The following PDXDC1 variants were observed in gnomAD, a reference collection of about 807,000 sequenced individuals.
PDXDC1 encodes pyridoxal dependent decarboxylase domain containing 1.
A neutral mutation model predicts 100.1 loss-of-function variants in PDXDC1; 42 were observed. The observed-to-expected ratio is 0.42, with a 90% CI of 0.33 to 0.54. PDXDC1 has a LOEUF of 0.54. PDXDC1 is among the 20% of genes least tolerant of loss of function. The pLI is 0.10. For synonymous variants in PDXDC1, 260 were observed against 371.7 expected (o/e 0.70, Z 3.46); for missense variants, 636 against 979.2 (o/e 0.65, Z 4.68).
intron 16 of PDXDC1, among the ~76,000 whole-genome samples, chr16:15,112,276 T>C (rs1409625639): frequency 1.3e-5 from 2 of 148,472 alleles, no homozygotes; most frequent in Admixed American, 6.8e-5. Flanking sequence ...TGAAGTGCAG[T>C]GGCGCTACCT....
intron 1 of PDXDC1, among the ~76,000 whole-genome samples, chr16:14,984,495 A>ATATATATATATT (rs1555542734): frequency 1.4e-5 from 1 of 73,498 alleles, no homozygotes; most frequent in African/African-American, 5.0e-5. Context: ...ATATATATAT[A>ATATATATATATT]TTTTTTTTTT....
chr16:14,977,214 G>A (rs1198832056), intron 1 of PDXDC1, among the ~76,000 whole-genome samples: 4 of 150,890 alleles, frequency 2.7e-5, no homozygotes, highest in African/African-American at 9.8e-5. Flanking sequence ...GGAGGTTTCT[G>A]CCTTAGGTCA....
chr16:15,062,887 G>C (rs925533699), intron 16 of PDXDC1, among the ~76,000 whole-genome samples: 3 of 152,202 alleles, frequency 2.0e-5, no homozygotes, highest in Admixed American at 1.3e-4. Context: ...AAAGAAAACA[G>C]GGTCTTGCTC....
intron 16 of PDXDC1, chr16:15,125,215 G>A (rs568466034): frequency 4.4e-5 from 23 of 519,898 alleles, no homozygotes; most frequent in Non-Finnish European, 6.9e-5. Flanking sequence ...GTTGTAAAAG[G>A]AGAGACCCAG....
intron 16 of PDXDC1, among the ~76,000 whole-genome samples, chr16:15,112,143 G>C (rs1351480521): frequency 6.8e-6 from 1 of 147,732 alleles, no homozygotes; most frequent in South Asian, 2.2e-4. Context: ...TTAAGTATTT[G>C]TTCTCATCAT....
intron 1 of PDXDC1, 70 bp downstream of exon 1, chr16:14,975,290 C>T (rs1278344918): frequency 5.6e-4 from 775 of 1,377,380 alleles, no homozygotes; most frequent in Non-Finnish European, 7.0e-4. Context: ...GCAACTGTTT[C>T]CCAGTCGCGA....
At chr16:15,104,910 C>T (rs1470358555) in intron 16 of PDXDC1, among the ~76,000 whole-genome samples, 2 of 152,182 alleles carry the variant, frequency 1.3e-5, no homozygotes, top group African/African-American at 4.8e-5. Flanking sequence ...AGTGTCATAT[C>T]ACCCTTCCAC....
Position 15,022,833 on chromosome 16 carries a change from A to G in PDXDC1, c.1140+79A>G, listed in dbSNP as rs1403748377. 26 of 1,147,884 alleles carry G rather than the reference A, an allele frequency of 2.3e-5. No individual in the cohort carries two copies. The Admixed American group carries it at 4.6e-4, about 20-fold the overall frequency. The allele number at this position is 1,147,884 out of a possible 1,614,324, so 71.1% of individuals were successfully genotyped here. ...CAACTTTGAATGATTTTAGAACTTT[A>G]GAATGATTTTCTCCACATTTCAGTG... On this transcript the variant is annotated intron_variant, in intron 13 of 22. Transcript: ENST00000396410.
intron 16 of PDXDC1, chr16:15,065,328 T>C: frequency 1.2e-6 from 2 of 1,613,798 alleles, no homozygotes; most frequent in South Asian, 2.2e-5. Flanking sequence ...ATCTGGCGAT[T>C]GTTCCTCTCA....
At chr16:14,996,062 CAG>C (rs1971890849) in intron 1 of PDXDC1, among the ~76,000 whole-genome samples, 2 of 152,394 alleles carry the variant, frequency 1.3e-5, no homozygotes, top group South Asian at 2.1e-4. Flanking sequence ...TTATACAAAA[CAG>C]AGCTGATCTG....
At chr16:15,084,868 C>A (rs1209001492) in intron 16 of PDXDC1, among the ~76,000 whole-genome samples, 2 of 152,074 alleles carry the variant, frequency 1.3e-5, no homozygotes, top group African/African-American at 4.8e-5. Flanking sequence ...GAGTTCGAGA[C>A]CAGCCTGACC....
At chr16:15,039,692 G>A (rs2043721202), downstream of PDXDC1, among the ~76,000 whole-genome samples, 4 of 152,168 alleles carry the variant, frequency 2.6e-5, no homozygotes, top group African/African-American at 9.7e-5. Context: ...CTCTTACAAA[G>A]TAACAGAAGT....
At chr16:15,087,534 G>GC (rs1252156703) in intron 16 of PDXDC1, among the ~76,000 whole-genome samples, 1 of 152,078 alleles carries the variant, frequency 6.6e-6, no homozygotes, top group African/African-American at 2.4e-5. Flanking sequence ...GCTACTGAGT[G>GC]CTTACTATGC....
intron 13 of PDXDC1, chr16:15,026,120 T>A (rs909729478): frequency 6.5e-6 from 1 of 155,020 alleles, no homozygotes; most frequent in Non-Finnish European, 1.4e-5. Flanking sequence ...AAAATTCTAG[T>A]TGGCCAGGCA....
chr16:15,128,330 G>A (rs1382565423), intron 16 of PDXDC1: 3 of 1,609,244 alleles, frequency 1.9e-6, no homozygotes, highest in Non-Finnish European at 1.7e-6. Context: ...CCATCCAGGT[G>A]CCGGTGGCCG....
At chr16:14,979,378 T>C (rs1268970963) in intron 1 of PDXDC1, among the ~76,000 whole-genome samples, 1 of 152,264 alleles carries the variant, frequency 6.6e-6, no homozygotes, top group African/African-American at 2.4e-5. Context: ...CAACCTCTGC[T>C]TTCCGGGTTC....
chr16:14,997,121 C>T (rs1370463197), intron 1 of PDXDC1, among the ~76,000 whole-genome samples: 1 of 152,144 alleles, frequency 6.6e-6, no homozygotes, highest in African/African-American at 2.4e-5. Flanking sequence ...TTGGTTTTGG[C>T]CTCACCTGGT....
intron 16 of PDXDC1, among the ~76,000 whole-genome samples, chr16:15,094,988 C>G (rs2046301973): frequency 6.6e-6 from 1 of 152,084 alleles, no homozygotes; most frequent in Admixed American, 6.6e-5. Context: ...CAGGCGCATG[C>G]CACCACACCC....
chr16:14,986,664 C>G (rs1360956561), intron 1 of PDXDC1, among the ~76,000 whole-genome samples: 2 of 152,278 alleles, frequency 1.3e-5, no homozygotes, highest in Non-Finnish European at 2.9e-5. Context: ...AAAACTGTGT[C>G]TAAATTCTCA....
Sources: allele counts gnomAD v4.1 joint callset (sites outside exome capture counted in the v4.1 genomes callset), GRCh38; gene constraint gnomAD v4.1.1; transcripts MANE v1.5; gene names NCBI Gene and HGNC (gene_info 2026-07-23, HGNC 2026-07-21).